The following CYP11A1 variants were observed in gnomAD, a reference collection of about 807,000 sequenced individuals.
The protein encoded by CYP11A1 is cholesterol side-chain cleavage enzyme, mitochondrial.
In CYP11A1, 25 loss-of-function variants were observed where a neutral mutation model predicts 51.9. That is an observed-to-expected ratio of 0.48 (90% CI 0.35 to 0.67). The LOEUF is 0.67. Among genes scored for constraint, CYP11A1 ranks in the 30% least tolerant of loss-of-function variants. The probability of loss-of-function intolerance (pLI) is 0.00; values close to 1 mark genes in which losing one functional copy is unlikely to be tolerated. For missense variants in CYP11A1, 578 were observed against 680.9 expected (o/e 0.85, Z 1.68); for synonymous variants, 245 against 262.1 (o/e 0.93, Z 0.63).
rs1298024043 is a variant in CYP11A1, at chr15:74,343,112, G to A, written c.855C>T (p.Tyr285=). ...CACTTCCTTTCTGTCTCAATTCCCA[G>A]TAGAAGTTCTGGGTGTATATGTCAG... ...SKADIYTQNF[Y]WELRQKGSVH... is the part of the protein sequence containing the mutation. The change falls in exon 5 of 9, where the codon TAC becomes TAT. Residue 285 remains tyrosine (Y), a synonymous_variant. Transcript: ENST00000268053. The A allele has an allele frequency of 6.2e-7, 1 of 1,613,946 alleles. No individual in the cohort carries two copies. The highest frequency in any genetic ancestry group is 1.7e-5 in the Admixed American group (1 of 60,030).
chr15:74,347,356 C>T (rs2060637283), intron 2 of CYP11A1, among the ~76,000 whole-genome samples: 1 of 152,080 alleles, frequency 6.6e-6, no homozygotes, highest in African/African-American at 2.4e-5. Flanking sequence ...TGCTGTGAGC[C>T]ATGATCAAAC....
chr15:74,360,886 A>T lies in CYP11A1; in HGVS notation c.269+6431T>A, dbSNP rs539345095. Among the ~76,000 whole-genome samples the T allele has an allele frequency of 1.8e-4, 27 of 152,296 alleles. No homozygotes were observed. In the East Asian group the frequency reaches 3.7e-3, roughly 21 times the overall value. ...CCATTGCACTCCAGCCTGGGCAACA[A>T]GAGTGAAACTCTGTCTCAAAAAAAA... On this transcript the variant is annotated intron_variant, in intron 1 of 8. Transcript: ENST00000268053.
chr15:74,355,526 G>A (rs543817602), intron 1 of CYP11A1, among the ~76,000 whole-genome samples: 8 of 151,624 alleles, frequency 5.3e-5, no homozygotes, highest in African/African-American at 1.2e-4. Flanking sequence ...CTTTTCTACC[G>A]ACCCATCTGA....
At chr15:74,359,186 C>T in intron 1 of CYP11A1, among the ~76,000 whole-genome samples, 1 of 152,130 alleles carries the variant, frequency 6.6e-6, no homozygotes, top group Non-Finnish European at 1.5e-5. Flanking sequence ...TTTAACAACC[C>T]CACAATATCA....
intron 8 of CYP11A1, 68 bp downstream of exon 8, chr15:74,338,503 G>A (rs2060589997): frequency 6.7e-7 from 1 of 1,488,726 alleles, no homozygotes; most frequent in African/African-American, 1.4e-5. Context: ...GATAGGAGGA[G>A]GAAGATTGGT....
intron 1 of CYP11A1, chr15:74,362,368 GT>G (rs1029771933): frequency 2.1e-5 from 4 of 193,912 alleles, no homozygotes; most frequent in Non-Finnish European, 4.3e-5. Flanking sequence ...TTCCATGCAT[GT>G]TTTCTGGTTG....
chr15:74,365,940 TG>T, intron 1 of CYP11A1: 1 of 979,940 alleles, frequency 1.0e-6, no homozygotes, highest in South Asian at 4.6e-5. Flanking sequence ...GAGTCCGTGT[TG>T]GGGAACTTGG....
intron 1 of CYP11A1, among the ~76,000 whole-genome samples, chr15:74,356,843 C>T (rs1399731237): frequency 1.3e-5 from 2 of 152,152 alleles, no homozygotes; most frequent in African/African-American, 2.4e-5. Flanking sequence ...TGTCTACTCC[C>T]TCCTTGGTGA....
chr15:74,361,941 A>C, intron 1 of CYP11A1: 3 of 1,154,520 alleles, frequency 2.6e-6, no homozygotes, highest in Non-Finnish European at 3.9e-6. Flanking sequence ...GTCTTTGGCA[A>C]GGTGAAAGAA....
rs1330158972 is a variant in CYP11A1 at position 74,345,827 on chromosome 15, T to G, written c.426-584A>C. 6.6e-6 allele frequency among the ~76,000 whole-genome samples: 1 copy of G among 152,184 alleles called. No individual in the cohort carries two copies. Among genetic ancestry groups the G allele is most frequent in the Non-Finnish European group, 1.5e-5 (1 of 68,038 alleles). ...ATCCATGCAAAGTCCTCTTCGTGAC[T>G]TGGGGGTGTTTTTGTTGATAAGAAT... On this transcript the variant is annotated intron_variant, in intron 2 of 8. Transcript: ENST00000268053. This position sits in a 1 kb window ranked among gnomAD's most constrained non-coding sequence, Gnocchi z 4.3.
At chr15:74,342,008 T>A (rs980207262) in intron 5 of CYP11A1, among the ~76,000 whole-genome samples, 4 of 152,192 alleles carry the variant, frequency 2.6e-5, no homozygotes, top group Admixed American at 6.5e-5. Context: ...AATCGCCCAG[T>A]CAATGCCATT....
chr15:74,340,917 T>C (rs1040396993), intron 5 of CYP11A1, among the ~76,000 whole-genome samples: 3 of 152,150 alleles, frequency 2.0e-5, no homozygotes, highest in Non-Finnish European at 4.4e-5. Flanking sequence ...CCAGAAGTCT[T>C]CCCCACGCTA....
At position 74,342,986 on chromosome 15, in the gene CYP11A1, CCCTCCTG is replaced by C; in HGVS notation, c.974_980del (p.Ala325GlyfsTer7). On this transcript the variant is annotated frameshift_variant, in exon 5 of 9. Coordinates refer to ENST00000268053, the MANE Select transcript of CYP11A1 (RefSeq NM_000781.3). LOFTEE classifies it high-confidence loss of function. ...CCTACAGCCACCTCACCGTGTCCAC[CCCTCCTG>C]CCAGCATCTCTGTGACGTTGGCCTT... 6.2e-7 allele frequency: 1 copy of C among 1,612,378 alleles called. No homozygotes were observed. Among genetic ancestry groups the C allele is most frequent in the Admixed American group, 1.7e-5 (1 of 60,030 alleles).
intron 1 of CYP11A1, chr15:74,361,731 ATGT>A: frequency 7.9e-7 from 1 of 1,264,762 alleles, no homozygotes. Context: ...TCCAGGATTT[ATGT>A]GTCAGGGTGG....
At chr15:74,354,576 G>A (rs993811944) in intron 1 of CYP11A1, 1 of 156,828 alleles carries the variant, frequency 6.4e-6, no homozygotes, top group Non-Finnish European at 1.4e-5. Context: ...ACCTCCCTTG[G>A]GAGATCAATC....
At chr15:74,342,127 A>G (rs1043267521) in intron 5 of CYP11A1, among the ~76,000 whole-genome samples, 2 of 152,074 alleles carry the variant, frequency 1.3e-5, no homozygotes, top group Admixed American at 1.3e-4. Context: ...CTACCACCTG[A>G]GCTGGAGTGC....
intron 1 of CYP11A1, chr15:74,361,870 C>T: frequency 2.7e-6 from 3 of 1,123,714 alleles, no homozygotes; most frequent in Non-Finnish European, 4.1e-6. Flanking sequence ...GGATCCAATA[C>T]AAACGGTTCC....
intron 1 of CYP11A1, chr15:74,365,607 A>G (rs1172922293): frequency 2.2e-6 from 2 of 889,704 alleles, no homozygotes; most frequent in Non-Finnish European, 2.7e-6. Flanking sequence ...GGGAAGGTTG[A>G]GGCCTCAGGC....
In CYP11A1 at chr15:74,339,262, A is replaced by G; in HGVS notation, c.1211T>C (p.Leu404Pro). The change falls in exon 7 of 9, where the codon CTT becomes CCT. Residue 404 changes from leucine to proline, a missense_variant. Coordinates refer to ENST00000268053, the MANE Select transcript of CYP11A1 (RefSeq NM_000781.3). ...CTTGGCAGGAATCATGTAATCTCGA[A>G]GAACCAAGTCATTTACAAGATATCT... is the stretch of plus-strand genomic sequence containing the variant. Reference protein sequence around the residue: ...LQRYLVNDLVLRDYMIPAKTL... With the variant: ...LQRYLVNDLVPRDYMIPAKTL... 6.2e-7 allele frequency: 1 copy of G among 1,614,148 alleles called. No individual in the cohort carries two copies. Among genetic ancestry groups the G allele is most frequent in the East Asian group, 2.2e-5 (1 of 44,862 alleles).
Sources: gnomAD v4.1 joint callset for allele counts (sites outside exome capture counted in the v4.1 genomes callset) on GRCh38, gnomAD v4.1.1 for gene constraint, Gnocchi (gnomAD v3.1) non-coding constraint, MANE v1.5 for transcripts, NCBI Gene and HGNC (gene_info 2026-07-23, HGNC 2026-07-21) for gene names.